The following ARID5B variants were observed in gnomAD, a reference collection of about 807,000 sequenced individuals.
ARID5B encodes the protein AT-rich interactive domain-containing protein 5B.
Under a neutral mutation model 97.2 loss-of-function variants are expected in ARID5B, and 13 were observed. That is an observed-to-expected ratio of 0.13 (90% CI 0.09 to 0.21). ARID5B has a LOEUF of 0.21. Among genes scored for constraint, ARID5B ranks in the 10% least tolerant of loss-of-function variants. The pLI, the probability that ARID5B is intolerant of heterozygous loss-of-function variation, is 1.00. For missense variants in ARID5B, 1,210 were observed against 1,465.3 expected, an observed-to-expected ratio of 0.83 and a Z score of 2.84; for synonymous variants, 556 against 570.3, an observed-to-expected ratio of 0.97 and a Z score of 0.36.
At chr10:62,042,772 G>A (rs1377379118) in intron 4 of ARID5B, among the ~76,000 whole-genome samples, 1 of 151,998 alleles carries the variant, frequency 6.6e-6, no homozygotes, top group African/African-American at 2.4e-5. Flanking sequence ...AAAATTAGCT[G>A]GGCTTGGTGG....
At chr10:62,052,279 C>T (rs1839800453) in intron 5 of ARID5B, among the ~76,000 whole-genome samples, 1 of 152,204 alleles carries the variant, frequency 6.6e-6, no homozygotes, top group African/African-American at 2.4e-5. Flanking sequence ...AAGTTGGACA[C>T]CTCAGCCCTA....
chr10:62,051,360 C>T (rs903432270), intron 5 of ARID5B, among the ~76,000 whole-genome samples: 1 of 152,138 alleles, frequency 6.6e-6, no homozygotes, highest in Non-Finnish European at 1.5e-5. Flanking sequence ...ACCAGCTGAA[C>T]CGTCCTCTTT....
intron 4 of ARID5B, among the ~76,000 whole-genome samples, chr10:62,019,348 G>A (rs1463165704): frequency 6.6e-6 from 1 of 151,992 alleles, no homozygotes; most frequent in Non-Finnish European, 1.5e-5. Flanking sequence ...CATAATTTAC[G>A]GCACTGGCAG....
intron 3 of ARID5B, among the ~76,000 whole-genome samples, chr10:61,995,341 T>G (rs1444792519): frequency 6.6e-6 from 1 of 152,216 alleles, no homozygotes; most frequent in East Asian, 1.9e-4. Flanking sequence ...ACAGGAGTGT[T>G]TACTTATGTG....
intron 3 of ARID5B, among the ~76,000 whole-genome samples, chr10:61,980,644 C>T (rs761221160): frequency 2.0e-5 from 3 of 152,188 alleles, no homozygotes; most frequent in Non-Finnish European, 2.9e-5. Context: ...ATAAATTCAT[C>T]GAGCTTCCTG....
chr10:62,017,955 A>G (rs1839304791), intron 4 of ARID5B, among the ~76,000 whole-genome samples: 1 of 152,270 alleles, frequency 6.6e-6, no homozygotes, highest in Non-Finnish European at 1.5e-5. Context: ...ATTCAATAGT[A>G]TAAATGCCAG....
At chr10:61,996,685 G>A (rs986634540) in intron 3 of ARID5B, among the ~76,000 whole-genome samples, 4 of 152,020 alleles carry the variant, frequency 2.6e-5, no homozygotes, top group Admixed American at 1.3e-4. Flanking sequence ...ACTGGAAATA[G>A]CATTAATACT....
At chr10:62,083,130 T>C (rs1840236375) in intron 8 of ARID5B, among the ~76,000 whole-genome samples, 1 of 152,024 alleles carries the variant, frequency 6.6e-6, no homozygotes, top group Non-Finnish European at 1.5e-5. Context: ...GGGCTTGTGT[T>C]TGGATTCAGT....
At chr10:62,015,821 G>A (rs568306136) in intron 4 of ARID5B, among the ~76,000 whole-genome samples, 1 of 152,180 alleles carries the variant, frequency 6.6e-6, no homozygotes, top group African/African-American at 2.4e-5. Context: ...ATGGGGTTTC[G>A]CTACAGTGGC....
intron 3 of ARID5B, among the ~76,000 whole-genome samples, chr10:61,945,133 G>T (rs1844479407): frequency 6.6e-6 from 1 of 152,092 alleles, no homozygotes; most frequent in African/African-American, 2.4e-5. Context: ...GTCACCACTG[G>T]AAAAGTCACT....
chr10:62,000,537 T>G lies in ARID5B; in HGVS notation c.733+216T>G, dbSNP rs958963418. Among the ~76,000 whole-genome samples the G allele has an allele frequency of 1.3e-5, 2 of 152,120 alleles. No homozygotes were observed. The highest frequency in any genetic ancestry group is 4.8e-5 in the African/African-American group (2 of 41,412). ...GAGTAAGAGATGATTATTTATAATTTGTTGTTCAATGTAGAGTCTGAAGTT... is the reference window on the plus strand; with the variant it reads ...GAGTAAGAGATGATTATTTATAATTGGTTGTTCAATGTAGAGTCTGAAGTT... On this transcript the variant is annotated intron_variant, in intron 4 of 9. Transcript: ENST00000279873. The surrounding 1 kb of genome is among the most constrained non-coding windows in gnomAD (Gnocchi z 4.4).
chr10:62,031,117 C>T (rs73274388), intron 4 of ARID5B, among the ~76,000 whole-genome samples: 215 of 152,128 alleles, frequency 1.4e-3, no homozygotes, highest in African/African-American at 5.0e-3. Context: ...GCCTGTAATC[C>T]GAGTTACTCG....
chr10:61,931,199 G>A (rs1044837592), intron 2 of ARID5B, among the ~76,000 whole-genome samples: 3 of 152,154 alleles, frequency 2.0e-5, no homozygotes, highest in African/African-American at 4.8e-5. Context: ...GCCCCAAGGA[G>A]CTTTTGTTTA....
chr10:61,946,423 T>A lies in ARID5B; in HGVS notation c.502+6015T>A, dbSNP rs1844499876. Among the ~76,000 whole-genome samples, 3 of 152,244 alleles carry A rather than the reference T, an allele frequency of 2.0e-5. 1 individual carries two copies. The highest frequency in any genetic ancestry group is 2.0e-4 in the Admixed American group (3 of 15,286). On this transcript the variant is annotated intron_variant, in intron 3 of 9. Coordinates refer to ENST00000279873, the MANE Select transcript of ARID5B (RefSeq NM_032199.3). Reference sequence around the variant, plus strand: ...TACTAGGATTGGAAGACATCCTTCTTACTGGGACAATCCTTCCTTCCTTTC... The same window carrying A: ...TACTAGGATTGGAAGACATCCTTCTAACTGGGACAATCCTTCCTTCCTTTC...
intron 3 of ARID5B, among the ~76,000 whole-genome samples, chr10:61,960,181 T>A (rs1436436708): frequency 6.6e-6 from 1 of 152,152 alleles, no homozygotes; most frequent in East Asian, 1.9e-4. Flanking sequence ...ATTTTCAAAT[T>A]ATAAATTTTG....
At chr10:62,006,781 A>G (rs967956408) in intron 4 of ARID5B, among the ~76,000 whole-genome samples, 7 of 152,200 alleles carry the variant, frequency 4.6e-5, no homozygotes, top group African/African-American at 1.7e-4. Flanking sequence ...TACAGTCATA[A>G]TATATGGAAT....
chr10:62,004,297 T>C (rs1839119293), intron 4 of ARID5B, among the ~76,000 whole-genome samples: 1 of 152,200 alleles, frequency 6.6e-6, no homozygotes, highest in East Asian at 1.9e-4. Context: ...AAAGCTTCAG[T>C]CTCGACATTC....
chr10:61,990,684 A>G (rs1838911689), intron 3 of ARID5B, among the ~76,000 whole-genome samples: 1 of 151,788 alleles, frequency 6.6e-6, no homozygotes, highest in Non-Finnish European at 1.5e-5. Context: ...AGAGCAACCA[A>G]GCATGCATCT....
chr10:61,934,992 A>T (rs1844273240), intron 2 of ARID5B, among the ~76,000 whole-genome samples: 1 of 151,652 alleles, frequency 6.6e-6, no homozygotes, highest in African/African-American at 2.4e-5. Flanking sequence ...CAGCCTGGGC[A>T]ACAGAGCAAG....
Sources: allele counts gnomAD v4.1 joint callset (sites outside exome capture counted in the v4.1 genomes callset), GRCh38; gene constraint gnomAD v4.1.1; non-coding constraint Gnocchi (gnomAD v3.1); transcripts MANE v1.5; gene names NCBI Gene and HGNC (gene_info 2026-07-23, HGNC 2026-07-21).